Variants in SCHIP1 observed in about 807,000 individuals in gnomAD.
SCHIP1 encodes the protein schwannomin-interacting protein 1.
Under a neutral mutation model 29.7 loss-of-function variants are expected in SCHIP1, and 8 were observed. The ratio of observed to expected loss-of-function variants is 0.27; its 90% CI spans 0.16 to 0.49. SCHIP1 has a LOEUF of 0.49. SCHIP1 is among the 20% of genes least tolerant of loss of function. The pLI, the probability that SCHIP1 is intolerant of heterozygous loss-of-function variation, is 0.99. For missense variants in SCHIP1, 193 were observed against 294.6 expected, an observed-to-expected ratio of 0.66 and a Z score of 2.52; for synonymous variants, 76 against 94.9, an observed-to-expected ratio of 0.80 and a Z score of 1.16.
At chr3:159,545,558 T>G in the SCHIP1 span, among the ~76,000 whole-genome samples, 1 of 150,844 alleles carries the variant, frequency 6.6e-6, no homozygotes, top group Non-Finnish European at 1.5e-5. Context: ...AGTTAATGCT[T>G]AATAAACTCC....
chr3:159,531,975 G>A, the SCHIP1 span, among the ~76,000 whole-genome samples: 4 of 152,190 alleles, frequency 2.6e-5, no homozygotes, highest in Non-Finnish European at 5.9e-5. Context: ...AGATTCTGAA[G>A]TATGCACTTA....
the SCHIP1 span, among the ~76,000 whole-genome samples, chr3:159,385,666 G>A: frequency 6.6e-6 from 1 of 150,842 alleles, no homozygotes; most frequent in Non-Finnish European, 1.5e-5. Flanking sequence ...TGAAACACTT[G>A]TTCAAAAATG....
the SCHIP1 span, among the ~76,000 whole-genome samples, chr3:159,373,431 G>T: frequency 6.6e-6 from 1 of 151,848 alleles, no homozygotes; most frequent in Non-Finnish European, 1.5e-5. Flanking sequence ...CAATTTTGAG[G>T]TGAGAACACT....
At chr3:159,410,118 A>G in the SCHIP1 span, among the ~76,000 whole-genome samples, 1 of 152,194 alleles carries the variant, frequency 6.6e-6, no homozygotes, top group African/African-American at 2.4e-5. Context: ...ATATACAACA[A>G]TCAAATCAAA....
the SCHIP1 span, among the ~76,000 whole-genome samples, chr3:159,455,110 A>G: frequency 6.6e-6 from 1 of 152,272 alleles, no homozygotes; most frequent in East Asian, 1.9e-4. Context: ...ATTTTACTGG[A>G]TTTTTCCCAG....
the SCHIP1 span, among the ~76,000 whole-genome samples, chr3:159,652,293 CTTA>C: frequency 1.3e-5 from 2 of 152,014 alleles, no homozygotes; most frequent in Admixed American, 6.6e-5. Flanking sequence ...TTTTGCTACA[CTTA>C]TTATTTCTTG....
chr3:159,477,340 A>G, the SCHIP1 span, among the ~76,000 whole-genome samples: 202 of 152,088 alleles, frequency 1.3e-3, no homozygotes, highest in South Asian at 0.024. Context: ...GATATTTTTA[A>G]TTTTCTGAGG....
chr3:159,394,350 T>C, the SCHIP1 span, among the ~76,000 whole-genome samples: 22 of 152,092 alleles, frequency 1.4e-4, no homozygotes, highest in Non-Finnish European at 2.8e-4. Flanking sequence ...TCCAACACTA[T>C]GTTGAATAGG....
At chr3:159,599,338 G>C in the SCHIP1 span, among the ~76,000 whole-genome samples, 1 of 152,244 alleles carries the variant, frequency 6.6e-6, no homozygotes. Context: ...TGATTTCTGA[G>C]ATTTTGGTGC....
chr3:159,693,111 A>G, the SCHIP1 span, among the ~76,000 whole-genome samples: 3 of 152,344 alleles, frequency 2.0e-5, no homozygotes, highest in South Asian at 6.2e-4. Context: ...AGAGTGCTCT[A>G]CTGACACCAG....
intron 5 of SCHIP1, among the ~76,000 whole-genome samples, chr3:159,889,987 C>A (rs551066741): frequency 1.3e-5 from 2 of 151,522 alleles, no homozygotes; most frequent in African/African-American, 4.9e-5. Flanking sequence ...TCCAGCTACT[C>A]GGGAGGCTGA....
chr3:159,429,528 G>C, the SCHIP1 span, among the ~76,000 whole-genome samples: 1 of 152,084 alleles, frequency 6.6e-6, no homozygotes, highest in Admixed American at 6.6e-5. Flanking sequence ...GGAGAGCAGG[G>C]AACCATAATG....
the SCHIP1 span, among the ~76,000 whole-genome samples, chr3:159,630,162 A>G: frequency 6.6e-6 from 1 of 152,224 alleles, no homozygotes; most frequent in Admixed American, 6.5e-5. Flanking sequence ...TTGGGAATAC[A>G]TAAAATGAAG....
At chr3:159,764,903 C>T in the SCHIP1 span, 1 of 1,543,528 alleles carries the variant, frequency 6.5e-7, no homozygotes, top group Admixed American at 2.0e-5. The surrounding 1 kb of genome is among the most constrained non-coding windows in gnomAD (Gnocchi z 6.1). Flanking sequence ...CCGAGCTGTT[C>T]CCGGGGCCCC....
chr3:159,475,831 T>C, the SCHIP1 span, among the ~76,000 whole-genome samples: 4 of 152,156 alleles, frequency 2.6e-5, no homozygotes, highest in Non-Finnish European at 5.9e-5. Context: ...ATTTGAGAGC[T>C]GGGAGTAGAA....
chr3:159,776,506 A>G, the SCHIP1 span, among the ~76,000 whole-genome samples: 2 of 152,098 alleles, frequency 1.3e-5, no homozygotes, highest in Non-Finnish European at 1.5e-5. Flanking sequence ...TTATTTTTGA[A>G]CACTCGAATT....
chr3:159,892,549 T>G (rs558792586), intron 6 of SCHIP1: 1 of 459,314 alleles, frequency 2.2e-6, no homozygotes, highest in South Asian at 3.4e-5. Flanking sequence ...AGCAGCCATG[T>G]GATGAGTTCT....
chr3:159,629,247 C>T, the SCHIP1 span, among the ~76,000 whole-genome samples: 1 of 151,826 alleles, frequency 6.6e-6, no homozygotes, highest in Non-Finnish European at 1.5e-5. Flanking sequence ...CCACTGCACT[C>T]CACTCTGGGT....
chr3:159,865,081 C>G (rs1319699598), intron 1 of SCHIP1, among the ~76,000 whole-genome samples: 2 of 152,166 alleles, frequency 1.3e-5, no homozygotes, highest in Non-Finnish European at 2.9e-5. Flanking sequence ...TCCAGAACCT[C>G]CTACTGGGAG....
Sources: gnomAD v4.1 joint callset for allele counts (sites outside exome capture counted in the v4.1 genomes callset) on GRCh38, gnomAD v4.1.1 for gene constraint, Gnocchi (gnomAD v3.1) non-coding constraint, MANE v1.5 for transcripts, NCBI Gene and HGNC (gene_info 2026-07-23, HGNC 2026-07-21) for gene names.